Variants in AMMECR1 observed in about 807,000 individuals in gnomAD.
AMMECR1 encodes the protein nuclear protein AMMECR1.
In AMMECR1, 3 loss-of-function variants were observed where a neutral mutation model predicts 22.5. That is an observed-to-expected ratio of 0.13 (90% CI 0.06 to 0.35). AMMECR1 has a LOEUF of 0.35. Among genes scored for constraint, AMMECR1 ranks in the 10% least tolerant of loss-of-function variants. The probability of loss-of-function intolerance (pLI) is 1.00; values close to 1 mark genes in which losing one functional copy is unlikely to be tolerated. For missense variants in AMMECR1, 235 were observed against 278.7 expected, an observed-to-expected ratio of 0.84 and a Z score of 1.12; for synonymous variants, 130 against 116.7, an observed-to-expected ratio of 1.11 and a Z score of -0.74.
chrX:110,348,969 T>G (rs2068201134), intron 2 of AMMECR1, among the ~76,000 whole-genome samples: 1 of 112,289 alleles, frequency 8.9e-6, no homozygotes, highest in African/African-American at 3.2e-5. Flanking sequence ...CTTATGCCAT[T>G]TGCTGTTATC....
intron 1 of AMMECR1, among the ~76,000 whole-genome samples, chrX:110,264,829 TAAAC>T (rs1458299474): frequency 3.6e-5 from 4 of 111,693 alleles, no homozygotes; most frequent in South Asian, 7.5e-4. Context: ...ATAAATGTTT[TAAAC>T]AAACTAATTA....
At chrX:110,334,045 T>C (rs1401893338) in intron 2 of AMMECR1, among the ~76,000 whole-genome samples, 2 of 112,092 alleles carry the variant, frequency 1.8e-5, no homozygotes, top group Non-Finnish European at 3.8e-5. Flanking sequence ...ATTATGAATA[T>C]CAATTCCTTA....
intron 2 of AMMECR1, among the ~76,000 whole-genome samples, chrX:110,245,279 T>C (rs928305697): frequency 2.7e-5 from 3 of 112,115 alleles, no homozygotes; most frequent in African/African-American, 9.7e-5. Flanking sequence ...TCTCCTTCTG[T>C]AACCCCCTCA....
At chrX:110,338,328 A>G (rs1602908577) in intron 2 of AMMECR1, among the ~76,000 whole-genome samples, 1 of 112,515 alleles carries the variant, frequency 8.9e-6, no homozygotes, top group East Asian at 2.8e-4. Flanking sequence ...CTTTAAACAC[A>G]GAAGTACCAG....
Position 110,302,857 on chromosome X carries a change from G to A in AMMECR1, c.473+14742C>T, listed in dbSNP as rs988784972. On this transcript the variant is annotated intron_variant, in intron 1 of 5. Transcript: ENST00000262844. ...CCATTGCACTCCAGTCTAGGCGACA[G>A]AGCAAGACTTGGTCTCCAAAAAAAT... 3.6e-5 allele frequency among the ~76,000 whole-genome samples: 4 copies of A among 110,155 alleles called. No homozygotes were observed. The South Asian group carries it at 1.6e-3, about 43-fold the overall frequency.
chrX:110,299,568 T>A (rs1172336074), intron 1 of AMMECR1, among the ~76,000 whole-genome samples: 1 of 112,026 alleles, frequency 8.9e-6, no homozygotes, highest in Non-Finnish European at 1.9e-5. Flanking sequence ...ACAACATAAT[T>A]TGTTATATGT....
intron 2 of AMMECR1, among the ~76,000 whole-genome samples, chrX:110,217,879 C>T (rs753900091): frequency 1.7e-4 from 19 of 110,946 alleles, no homozygotes; most frequent in Non-Finnish European, 1.3e-4. Context: ...TTTATATTTG[C>T]ACCACATTTT....
chrX:110,391,041 C>G (rs1443822568), intron 2 of AMMECR1, among the ~76,000 whole-genome samples: 1 of 111,783 alleles, frequency 8.9e-6, no homozygotes, highest in Non-Finnish European at 1.9e-5. Context: ...TTTTGAAGCT[C>G]TTTCTCTTTG....
intron 3 of AMMECR1, among the ~76,000 whole-genome samples, chrX:110,209,113 G>A (rs774204394): frequency 9.0e-6 from 1 of 111,183 alleles, no homozygotes; most frequent in African/African-American, 3.3e-5. Context: ...TGGGCGGGGG[G>A]AAGAAATCAC....
At chrX:110,214,352 C>T (rs2067462691) in intron 3 of AMMECR1, among the ~76,000 whole-genome samples, 1 of 110,807 alleles carries the variant, frequency 9.0e-6, no homozygotes, top group Non-Finnish European at 1.9e-5. Context: ...ATATTAAATA[C>T]ACAATACCAA....
At chrX:110,286,158 G>A (rs1018025826) in intron 1 of AMMECR1, among the ~76,000 whole-genome samples, 2 of 111,683 alleles carry the variant, frequency 1.8e-5, no homozygotes, top group Admixed American at 9.5e-5. Context: ...AACGTCTAAC[G>A]AACATAAGTA....
At chrX:110,285,886 C>T (rs2067876453) in intron 1 of AMMECR1, among the ~76,000 whole-genome samples, 1 of 111,069 alleles carries the variant, frequency 9.0e-6, no homozygotes. Context: ...TGCTAGGATA[C>T]AAGTAGCTTT....
chrX:110,312,578 T>C (rs2068028618), intron 1 of AMMECR1, among the ~76,000 whole-genome samples: 1 of 112,225 alleles, frequency 8.9e-6, no homozygotes, highest in African/African-American at 3.2e-5. Context: ...ATAAGCATTT[T>C]CTTTTTAACT....
chrX:110,266,853 C>T (rs138492748), intron 1 of AMMECR1, among the ~76,000 whole-genome samples: 1,617 of 110,256 alleles, frequency 0.015, 10 homozygotes, highest in Non-Finnish European at 0.025. Flanking sequence ...CCCAACTCCC[C>T]GACAGGCCCT....
At chrX:110,209,974 A>T (rs2067439569) in intron 3 of AMMECR1, among the ~76,000 whole-genome samples, 1 of 111,296 alleles carries the variant, frequency 9.0e-6, no homozygotes, top group African/African-American at 3.3e-5. Context: ...CTGGGGAAGC[A>T]GCAGGCTAAC....
intron 1 of AMMECR1, among the ~76,000 whole-genome samples, chrX:110,271,257 A>T (rs2067796892): frequency 8.9e-6 from 1 of 112,332 alleles, no homozygotes; most frequent in Non-Finnish European, 1.9e-5. Flanking sequence ...CAAATATCTG[A>T]AAGCGGGGAT....
At chrX:110,438,276 T>G (rs768474761) in intron 1 of AMMECR1, among the ~76,000 whole-genome samples, 1 of 111,664 alleles carries the variant, frequency 9.0e-6, no homozygotes, top group African/African-American at 3.3e-5. Context: ...TCAAAAGAAT[T>G]ATATACTTAA....
intron 1 of AMMECR1, among the ~76,000 whole-genome samples, chrX:110,291,618 C>G (rs776482060): frequency 9.0e-6 from 1 of 111,730 alleles, no homozygotes; most frequent in African/African-American, 3.3e-5. Flanking sequence ...CATGCTAAAT[C>G]TGAAAGGGAC....
At chrX:110,349,045 A>G (rs145511876) in intron 2 of AMMECR1, among the ~76,000 whole-genome samples, 1 of 112,257 alleles carries the variant, frequency 8.9e-6, no homozygotes, top group Non-Finnish European at 1.9e-5. Flanking sequence ...TGGCCTTAAA[A>G]GAAGAAAATA....
Sources: gnomAD v4.1 joint callset for allele counts (sites outside exome capture counted in the v4.1 genomes callset) on GRCh38, gnomAD v4.1.1 for gene constraint, MANE v1.5 for transcripts, NCBI Gene and HGNC (gene_info 2026-07-23, HGNC 2026-07-21) for gene names.